BROX: variants seen among roughly 807,000 people sequenced by gnomAD.
The protein encoded by BROX is BRO1 domain and CAAX motif containing.
In BROX, 53 loss-of-function variants were observed where a neutral mutation model predicts 61.0. The ratio of observed to expected loss-of-function variants is 0.87; its 90% CI spans 0.70 to 1.09. The LOEUF is 1.09. BROX is among the 50% of genes least tolerant of loss of function. The pLI is 0.00. For missense variants in BROX, 489 were observed against 472.0 expected, an observed-to-expected ratio of 1.04 and a Z score of -0.33; for synonymous variants, 152 against 160.2, an observed-to-expected ratio of 0.95 and a Z score of 0.38.
At chr1:222,731,817 A>G (rs929935732) in intron 12 of BROX, among the ~76,000 whole-genome samples, 1 of 152,210 alleles carries the variant, frequency 6.6e-6, no homozygotes, top group Non-Finnish European at 1.5e-5. Context: ...CCATGTTTAT[A>G]CTGCTATAGC....
In BROX at chr1:222,732,648, A is replaced by G. The variant is rs764923816; in HGVS notation, c.1170A>G (p.Glu390=). ...CCTAGACTAAACCCAAACCAGAAGA[A>G]GAAGTGAAACCTGTGAAAGAACCAG... The part of the protein sequence containing the change: ...KDDSTKPKPE[E]EVKPVKEPDI... The change falls in exon 13 of 13, where the codon GAA becomes GAG. Residue 390 remains glutamate (E), a synonymous_variant. Coordinates refer to ENST00000340934, the MANE Select transcript of BROX (RefSeq NM_144695.4). The G allele has an allele frequency of 3.1e-6, 5 of 1,613,618 alleles. No individual in the cohort carries two copies. The highest frequency in any genetic ancestry group is 4.2e-6 in the Non-Finnish European group (5 of 1,179,782).
chr1:222,715,796 T>C lies in BROX; in HGVS notation c.97T>C (p.Cys33Arg). The part of the protein sequence containing the change: ...VVTGPSASKI[C>R]NDLRSSRARL... ...CACTGGCCCTTCTGCTTCAAAAATATGCAAGTAAGTTTATTGATTGAACCA... is the reference window on the plus strand; with the variant it reads ...CACTGGCCCTTCTGCTTCAAAAATACGCAAGTAAGTTTATTGATTGAACCA... Residue 33 changes from cysteine (C) to arginine (R), a missense_variant, in exon 2 of 13, where the codon TGC becomes CGC. Cys to Arg is a radical substitution (Grantham distance 180). Transcript: ENST00000340934. 1 of 1,580,224 alleles carries C rather than the reference T, an allele frequency of 6.3e-7. No homozygotes were observed. Among genetic ancestry groups the C allele is most frequent in the Non-Finnish European group, 8.6e-7 (1 of 1,159,462 alleles).
Position 222,728,797 on chromosome 1 carries a change from T to C in BROX, c.725T>C (p.Leu242Pro). The C allele has an allele frequency of 6.2e-7, 1 of 1,602,676 alleles. No individual in the cohort carries two copies. The highest frequency in any genetic ancestry group is 8.5e-7 in the Non-Finnish European group (1 of 1,171,464). ...PAYSAKWRKY[L>P]HLKMCFYTAY... The stretch of plus-strand genomic sequence containing the variant: ...TATTCTGCCAAATGGAGAAAATATC[T>C]TCACTTGAAGATGTGTTTCTACACA... Residue 242 changes from leucine (L) to proline (P), a missense_variant, in exon 9 of 13, where the codon CTT becomes CCT. By Grantham distance (98) the Leu-to-Pro change is moderately conservative (BLOSUM62 -3). Transcript: ENST00000340934.
intron 9 of BROX, 129 bp from the exon 10 acceptor site, chr1:222,729,491 C>T: frequency 1.8e-6 from 1 of 570,668 alleles, no homozygotes; most frequent in East Asian, 3.0e-5. Context: ...TGGGGAAGAG[C>T]TAAAATGTAA....
intron 2 of BROX, 22 bp from the exon 3 acceptor site, chr1:222,718,903 G>A (rs1465487860): frequency 6.3e-7 from 1 of 1,597,708 alleles, no homozygotes; most frequent in Admixed American, 1.7e-5. Context: ...TAACTTTACT[G>A]TCTTTTTGTA....
intron 8 of BROX, among the ~76,000 whole-genome samples, chr1:222,727,764 C>T (rs778662177): frequency 6.6e-5 from 10 of 152,062 alleles, no homozygotes; most frequent in Admixed American, 1.3e-4. Context: ...CATGTAACCC[C>T]GTTATTATAT....
chr1:222,725,545 A>G lies in BROX; in HGVS notation c.570A>G (p.Glu190=), dbSNP rs777361483. Residue 190 remains glutamate, a synonymous_variant, in exon 7 of 13, where the codon GAA becomes GAG. Transcript: ENST00000340934. The part of the protein sequence containing the change: ...IEAYVIQCQA[E]AQEVTIARAI... ...CATACGTTATTCAATGTCAGGCTGA[A>G]GCTCAAGAAGGTATCCTAAATATTG... 6.2e-7 allele frequency: 1 copy of G among 1,600,288 alleles called. No individual in the cohort carries two copies. The highest frequency in any genetic ancestry group is 2.2e-5 in the East Asian group (1 of 44,750).
intron 3 of BROX, 71 bp from the exon 4 acceptor site, chr1:222,719,192 T>G (rs1656872089): frequency 7.4e-7 from 1 of 1,343,846 alleles, no homozygotes; most frequent in Non-Finnish European, 1.0e-6. Context: ...AATCTGAAAA[T>G]TTTTCCAAAC....
At chr1:222,728,390 T>C (rs1657672347) in intron 8 of BROX, among the ~76,000 whole-genome samples, 1 of 152,182 alleles carries the variant, frequency 6.6e-6, no homozygotes, top group South Asian at 2.1e-4. Context: ...TTTGAGTGAC[T>C]AGACTACTAT....
At chr1:222,728,500 T>A (rs544285828) in intron 8 of BROX, among the ~76,000 whole-genome samples, 1 of 152,254 alleles carries the variant, frequency 6.6e-6, no homozygotes, top group Non-Finnish European at 1.5e-5. Context: ...TTTATCATTA[T>A]CTTTAACTTA....
intron 6 of BROX, 78 bp from the exon 7 acceptor site, chr1:222,725,372 A>G: frequency 1.0e-6 from 1 of 975,060 alleles, no homozygotes; most frequent in Non-Finnish European, 1.5e-6. Context: ...CATAACTTTC[A>G]TTTTCTTCAT....
In BROX at chr1:222,722,420, G is replaced by A. The variant is rs1480317725; in HGVS notation, c.307G>A (p.Ala103Thr). The A allele has an allele frequency of 6.2e-7, 1 of 1,610,070 alleles. No homozygotes were observed. Among genetic ancestry groups the A allele is most frequent in the African/African-American group, 1.3e-5 (1 of 74,816 alleles). The change falls in exon 5 of 13, where the codon GCC (alanine) becomes ACC (threonine). Residue 103 changes from alanine to threonine, a missense_variant and splice_region_variant. Coordinates refer to ENST00000340934, the MANE Select transcript of BROX (RefSeq NM_144695.4). ...TDTLQGQVPS[A>T]QQDAVFELIS... is the part of the protein sequence containing the mutation. Reference sequence around the variant, plus strand: ...TAATGATCATGTTTATAATTCCAGTGCCCAGCAGGATGCTGTTTTTGAATT... The same window carrying A: ...TAATGATCATGTTTATAATTCCAGTACCCAGCAGGATGCTGTTTTTGAATT...
rs906864355 is a variant in BROX at position 222,731,586 on chromosome 1, G to T, written c.1149+70G>T. The T allele has an allele frequency of 1.9e-5, 28 of 1,475,944 alleles. No individual in the cohort carries two copies. In the African/African-American group the frequency reaches 3.0e-4, roughly 16 times the overall value. 91.4% of individuals were successfully genotyped at this position (1,475,944 alleles called of 1,614,324 possible). A position where few individuals can be genotyped will look rare whatever the true frequency, so the allele number is the denominator to read the frequency against. On this transcript the variant is annotated intron_variant, in intron 12 of 12. Transcript: ENST00000340934. Reference sequence around the variant, plus strand: ...AAAGAAAATTCAGAGTTAGCATTTTGATATTTTTCTCTAAATAGATACATA... The same window carrying T: ...AAAGAAAATTCAGAGTTAGCATTTTTATATTTTTCTCTAAATAGATACATA...
chr1:222,713,489 G>A (rs1200723617), intron 1 of BROX: 18 of 957,570 alleles, frequency 1.9e-5, no homozygotes, highest in Non-Finnish European at 2.2e-5. Context: ...TCTTGTGGAA[G>A]TGTGTTAGCT....
chr1:222,713,361 A>C, intron 1 of BROX: 1 of 985,408 alleles, frequency 1.0e-6, no homozygotes. Context: ...GCACGGGAGG[A>C]AGAGGCTGGG....
intron 2 of BROX, among the ~76,000 whole-genome samples, chr1:222,717,557 A>G (rs774406692): frequency 4.6e-5 from 7 of 152,244 alleles, no homozygotes; most frequent in Admixed American, 1.3e-4. Flanking sequence ...TGCCTAGTCC[A>G]GGAATTGAAT....
intron 2 of BROX, among the ~76,000 whole-genome samples, chr1:222,717,091 C>T (rs971763352): frequency 3.9e-5 from 6 of 152,172 alleles, no homozygotes; most frequent in African/African-American, 1.4e-4. Flanking sequence ...AACCAATGGT[C>T]ATCAAACTTT....
At chr1:222,713,220 T>G (rs1012042769) in intron 1 of BROX, 1 of 986,024 alleles carries the variant, frequency 1.0e-6, no homozygotes, top group African/African-American at 1.7e-5. Context: ...TGGGGTTCGT[T>G]CGGCCGTTGT....
Position 222,727,253 on chromosome 1 carries a change from A to C in BROX, c.666A>C (p.Lys222Asn). Residue 222 changes from lysine to asparagine, a missense_variant, in exon 8 of 13, where the codon AAA becomes AAC. Coordinates refer to ENST00000340934, the MANE Select transcript of BROX (RefSeq NM_144695.4). Reference sequence around the variant, plus strand: ...ATGAAACAGCCAATTTCTATCAAAAAGCTGGTAAGCTTCTAATTCTGTCGT... The same window carrying C: ...ATGAAACAGCCAATTTCTATCAAAACGCTGGTAAGCTTCTAATTCTGTCGT... ...LAYETANFYQ[K>N]ADHTLSSLEP... is the part of the protein sequence containing the mutation. The C allele has an allele frequency of 1.9e-6, 3 of 1,604,504 alleles. No homozygotes were observed. Among genetic ancestry groups the C allele is most frequent in the Non-Finnish European group, 2.6e-6 (3 of 1,171,646 alleles).
Sources: allele counts gnomAD v4.1 joint callset (sites outside exome capture counted in the v4.1 genomes callset), GRCh38; gene constraint gnomAD v4.1.1; transcripts MANE v1.5; gene names NCBI Gene and HGNC (gene_info 2026-07-23, HGNC 2026-07-21).